Variants in ASIC2 observed in about 807,000 individuals in gnomAD.
The protein encoded by ASIC2 is acid-sensing ion channel 2.
Under a neutral mutation model 57.3 loss-of-function variants are expected in ASIC2, and 25 were observed. That is an observed-to-expected ratio of 0.44 (90% confidence interval 0.32 to 0.61). ASIC2 has a LOEUF of 0.61. ASIC2 is among the 20% of genes least tolerant of loss of function. The probability of loss-of-function intolerance (pLI) is 0.06; values close to 1 mark genes in which losing one functional copy is unlikely to be tolerated. For synonymous variants in ASIC2, 319 were observed against 307.5 expected (o/e 1.04, Z -0.39); for missense variants, 641 against 738.1 (o/e 0.87, Z 1.52).
chr17:33,941,066 A>C (rs1352955759), intron 1 of ASIC2, among the ~76,000 whole-genome samples: 2 of 152,178 alleles, frequency 1.3e-5, no homozygotes, highest in African/African-American at 2.4e-5. Flanking sequence ...ATCTTCCTGG[A>C]TGTTGTGCAG....
chr17:33,491,845 G>A (rs1018202464), intron 1 of ASIC2, among the ~76,000 whole-genome samples: 4 of 152,222 alleles, frequency 2.6e-5, no homozygotes, highest in African/African-American at 7.2e-5. Context: ...GAGGGAGTCA[G>A]TATTTAGGGA....
At chr17:34,007,971 T>C (rs975578300) in intron 1 of ASIC2, among the ~76,000 whole-genome samples, 1 of 152,234 alleles carries the variant, frequency 6.6e-6, no homozygotes, top group Non-Finnish European at 1.5e-5. Flanking sequence ...TGGTTCATTT[T>C]TCAATCACTC....
At chr17:33,065,504 TG>T (rs921796871) in intron 3 of ASIC2, among the ~76,000 whole-genome samples, 52 of 152,102 alleles carry the variant, frequency 3.4e-4, no homozygotes, top group African/African-American at 1.3e-3. Flanking sequence ...GTTGTAGAGT[TG>T]GGGGTCTTGC....
chr17:33,319,271 T>TG (rs1325731156), intron 1 of ASIC2, among the ~76,000 whole-genome samples: 2 of 152,200 alleles, frequency 1.3e-5, no homozygotes, highest in East Asian at 1.9e-4. Flanking sequence ...ATGCATCCAT[T>TG]GGGGTAGTTC....
intron 7 of ASIC2, among the ~76,000 whole-genome samples, chr17:33,019,429 G>T (rs1041118451): frequency 6.6e-6 from 1 of 151,970 alleles, no homozygotes; most frequent in East Asian, 1.9e-4. Flanking sequence ...TGATTGGAAC[G>T]TGGGGCTGTA....
intron 1 of ASIC2, among the ~76,000 whole-genome samples, chr17:33,128,199 C>T (rs1004692956): frequency 1.9e-4 from 29 of 152,250 alleles, no homozygotes; most frequent in African/African-American, 6.5e-4. Context: ...GCACCCTGTG[C>T]TCCCCTCCAT....
At chr17:33,462,848 A>G (rs946535027) in intron 1 of ASIC2, among the ~76,000 whole-genome samples, 3 of 152,156 alleles carry the variant, frequency 2.0e-5, no homozygotes, top group Non-Finnish European at 2.9e-5. Context: ...TAGGCCTTCT[A>G]TTAGGTTTCT....
chr17:33,832,044 C>T (rs1396340884), intron 1 of ASIC2, among the ~76,000 whole-genome samples: 1 of 152,150 alleles, frequency 6.6e-6, no homozygotes, highest in East Asian at 1.9e-4. Context: ...CATCGTAGTT[C>T]ATCACTATCA....
intron 1 of ASIC2, among the ~76,000 whole-genome samples, chr17:33,429,050 T>C (rs753022646): frequency 2.6e-5 from 4 of 152,116 alleles, no homozygotes; most frequent in Non-Finnish European, 5.9e-5. Context: ...TGGTCAGATA[T>C]TGTGAGCTCA....
intron 1 of ASIC2, among the ~76,000 whole-genome samples, chr17:33,334,413 C>T (rs1193794813): frequency 6.6e-6 from 1 of 152,188 alleles, no homozygotes; most frequent in African/African-American, 2.4e-5. Flanking sequence ...GCCTCCTCTT[C>T]TCCTACTTCT....
intron 1 of ASIC2, among the ~76,000 whole-genome samples, chr17:33,942,062 C>T (rs1556738): frequency 0.31 from 46,802 of 152,004 alleles, 7,347 homozygotes; most frequent in Admixed American, 0.37. Flanking sequence ...AAGCTAGGTG[C>T]TTTGAGTAGG....
chr17:33,527,983 A>G (rs1274318583), intron 1 of ASIC2, among the ~76,000 whole-genome samples: 1 of 152,178 alleles, frequency 6.6e-6, no homozygotes, highest in Non-Finnish European at 1.5e-5. Context: ...TGGAGGCCCT[A>G]CTGTATTGCA....
chr17:33,621,053 T>C (rs936339554), intron 1 of ASIC2, among the ~76,000 whole-genome samples: 7 of 152,170 alleles, frequency 4.6e-5, no homozygotes, highest in Admixed American at 4.6e-4. Flanking sequence ...GGCTAGCTGC[T>C]TCTCATTGAG....
chr17:34,005,230 C>T (rs62056821), intron 1 of ASIC2: 19,494 of 152,044 alleles, frequency 0.13, 1,526 homozygotes, highest in East Asian at 0.35. Flanking sequence ...TCATAAAGGG[C>T]TCTTCTGCCT....
intron 1 of ASIC2, among the ~76,000 whole-genome samples, chr17:33,703,918 CT>C (rs1299823138): frequency 6.6e-6 from 1 of 152,180 alleles, no homozygotes; most frequent in Non-Finnish European, 1.5e-5. Context: ...TGGCCTCAGG[CT>C]TTGGCTTTCA....
chr17:34,080,463 T>C (rs991455761), intron 1 of ASIC2, among the ~76,000 whole-genome samples: 1 of 152,208 alleles, frequency 6.6e-6, no homozygotes, highest in East Asian at 1.9e-4. Flanking sequence ...GGATCCAGAC[T>C]CCACAAATGG....
intron 1 of ASIC2, among the ~76,000 whole-genome samples, chr17:33,610,669 G>A (rs1273105578): frequency 6.6e-6 from 1 of 151,678 alleles, no homozygotes; most frequent in Non-Finnish European, 1.5e-5. Flanking sequence ...TTTGAAACCA[G>A]CCTGGGCAAC....
intron 1 of ASIC2, among the ~76,000 whole-genome samples, chr17:33,926,042 C>A (rs537167857): frequency 1.1e-4 from 16 of 152,274 alleles, no homozygotes; most frequent in Admixed American, 9.2e-4. Flanking sequence ...ATTAGTAGAT[C>A]TCTTGCAGTG....
chr17:33,617,972 A>G (rs895533136), intron 1 of ASIC2, among the ~76,000 whole-genome samples: 19 of 152,172 alleles, frequency 1.2e-4, no homozygotes, highest in Admixed American at 3.3e-4. Context: ...GGGAGTTACT[A>G]TTTTGTCATC....
Sources: gnomAD v4.1 joint callset for allele counts (sites outside exome capture counted in the v4.1 genomes callset) on GRCh38, gnomAD v4.1.1 for gene constraint, MANE v1.5 for transcripts, NCBI Gene and HGNC (gene_info 2026-07-23, HGNC 2026-07-21) for gene names.